PCLO: variants seen among roughly 807,000 people sequenced by gnomAD.
The protein encoded by PCLO is protein piccolo.
PCLO carries 82 observed loss-of-function variants against 427.5 expected under a neutral mutation model. That is an observed-to-expected ratio of 0.19 (90% CI 0.16 to 0.23). The LOEUF is 0.23. Among genes scored for constraint, PCLO ranks in the 10% least tolerant of loss-of-function variants. The pLI, the probability that PCLO is intolerant of heterozygous loss-of-function variation, is 1.00. For synonymous variants in PCLO, 2,357 were observed against 2,155.4 expected (o/e 1.09, Z -2.59); for missense variants, 6,239 against 6,115.9 (o/e 1.02, Z -0.67).
At chr7:82,802,673 C>G (rs572814415) in intron 21 of PCLO, among the ~76,000 whole-genome samples, 1 of 152,218 alleles carries the variant, frequency 6.6e-6, no homozygotes, top group East Asian at 1.9e-4. Context: ...ACTTTGTAGA[C>G]AACACTTCTA....
intron 3 of PCLO, among the ~76,000 whole-genome samples, chr7:83,128,440 C>T (rs1791493783): frequency 1.3e-5 from 2 of 152,192 alleles, no homozygotes; most frequent in African/African-American, 4.8e-5. Context: ...GTTAGCACAG[C>T]GTTCATCAGC....
At position 83,135,640 on chromosome 7, in the gene PCLO, C is replaced by G. The variant is rs1370482320; in HGVS notation, c.1910G>C (p.Cys637Ser). 1 of 1,596,896 alleles carries G rather than the reference C, an allele frequency of 6.3e-7. No homozygotes were observed. Among genetic ancestry groups the G allele is most frequent in the African/African-American group, 1.3e-5 (1 of 74,352 alleles). Reference sequence around the variant, plus strand: ...AGCTCTTTTCATTTGACAGTTCAAACAGAGCCACTCTTTTACCTACAAATA... The same window carrying G: ...AGCTCTTTTCATTTGACAGTTCAAAGAGAGCCACTCTTTTACCTACAAATA... ...PHLTEVKEWL[C>S]LNCQMKRALG... The change falls in exon 3 of 25, where the codon TGT becomes TCT. Residue 637 changes from cysteine to serine, a missense_variant. By Grantham distance (112) the Cys-to-Ser change is moderately radical. This residue lies in a region of PCLO where 4,677 missense variants were observed against 4,468.4 expected (regional missense o/e 1.05). Transcript: ENST00000333891.
chr7:83,162,530 C>T lies in PCLO; in HGVS notation c.63G>A (p.Ala21=). 1 of 1,554,778 alleles carries T rather than the reference C, an allele frequency of 6.4e-7. No homozygotes were observed. The highest frequency in any genetic ancestry group is 1.9e-5 in the Admixed American group (1 of 51,898). ...GLPEGLAAAA[A]AGGGASGAGS... ...CCGCCCCGCTAGCTCCTCCTCCAGC[C>T]GCTGCGGCCGCCGCCAGCCCTTCGG... The change falls in exon 1 of 25, where the codon GCG becomes GCA. Residue 21 remains alanine (A), a synonymous_variant. Coordinates refer to ENST00000333891, the MANE Select transcript of PCLO (RefSeq NM_033026.6).
At chr7:82,788,968 C>T (rs370760711) in intron 22 of PCLO, among the ~76,000 whole-genome samples, 1 of 151,546 alleles carries the variant, frequency 6.6e-6, no homozygotes, top group Non-Finnish European at 1.5e-5. Context: ...TCATTCTGTT[C>T]TTTTAATCTG....
At chr7:83,113,439 T>C (rs1226739465) in intron 3 of PCLO, among the ~76,000 whole-genome samples, 7 of 152,186 alleles carry the variant, frequency 4.6e-5, no homozygotes, top group Admixed American at 3.9e-4. Context: ...AGAATTTATT[T>C]GGAGAAAATT....
intron 7 of PCLO, among the ~76,000 whole-genome samples, chr7:82,912,195 AT>A (rs1752168882): frequency 6.6e-6 from 1 of 152,046 alleles, no homozygotes; most frequent in Non-Finnish European, 1.5e-5. Flanking sequence ...GTATATTCAA[AT>A]ATAGATATAG....
At chr7:82,793,152 C>T (rs207468142) in intron 22 of PCLO, among the ~76,000 whole-genome samples, 5 of 152,154 alleles carry the variant, frequency 3.3e-5, no homozygotes, top group African/African-American at 1.2e-4. Flanking sequence ...TGCATGAGCA[C>T]CCCATTCACT....
At chr7:82,963,966 T>G (rs1435558651) in intron 4 of PCLO, among the ~76,000 whole-genome samples, 2 of 152,108 alleles carry the variant, frequency 1.3e-5, no homozygotes, top group Non-Finnish European at 2.9e-5. Flanking sequence ...AGGAAAATAT[T>G]TGAAAACTTC....
At chr7:83,084,774 T>C (rs542408579) in intron 3 of PCLO, among the ~76,000 whole-genome samples, 1 of 152,176 alleles carries the variant, frequency 6.6e-6, no homozygotes, top group Non-Finnish European at 1.5e-5. Context: ...TGATCAATTT[T>C]GCACGTATTC....
Position 82,949,670 on chromosome 7 carries a change from A to C in PCLO, c.10918T>G (p.Phe3640Val). The C allele has an allele frequency of 6.2e-7, 1 of 1,613,864 alleles. No homozygotes were observed. Among genetic ancestry groups the C allele is most frequent in the South Asian group, 1.1e-5 (1 of 91,084 alleles). ...GGGAGGGGTTTTTCATAAGGTACAA[A>C]GGCTGATTCTAAGGCTTTGCCTGGT... ...LSPGKALESA[F>V]VPYEKPLPDD... Residue 3640 changes from phenylalanine (F) to valine (V), a missense_variant, in exon 6 of 25, where the codon TTT (phenylalanine) becomes GTT (valine). Coordinates refer to ENST00000333891, the MANE Select transcript of PCLO (RefSeq NM_033026.6).
intron 3 of PCLO, among the ~76,000 whole-genome samples, chr7:83,047,503 T>G (rs552038631): frequency 6.6e-5 from 10 of 152,168 alleles, no homozygotes; most frequent in African/African-American, 2.4e-4. Context: ...CAATGTGATT[T>G]GCATATTGAG....
At chr7:83,066,227 A>T (rs1361523337) in intron 3 of PCLO, among the ~76,000 whole-genome samples, 4 of 152,122 alleles carry the variant, frequency 2.6e-5, no homozygotes, top group Non-Finnish European at 5.9e-5. Context: ...TTTAAAAATC[A>T]CTGCTCAAAA....
chr7:82,994,563 T>C (rs1796450856), intron 3 of PCLO, among the ~76,000 whole-genome samples: 1 of 151,734 alleles, frequency 6.6e-6, no homozygotes, highest in Non-Finnish European at 1.5e-5. Context: ...AATGACTTGA[T>C]CAGATAATTA....
intron 10 of PCLO, among the ~76,000 whole-genome samples, chr7:82,867,605 T>C (rs1325477657): frequency 6.6e-6 from 1 of 152,118 alleles, no homozygotes; most frequent in African/African-American, 2.4e-5. Flanking sequence ...TTCCAAGAAA[T>C]ATTGGTTAGA....
In PCLO at chr7:82,956,657, T is replaced by C. The variant is rs751713066; in HGVS notation, c.4296A>G (p.Ser1432=). ...AQASTLADEK[S]EKKTQPHEVS... ...CTTCATGGGGTTGTGTTTTCTTTTC[T>C]GACTTTTCATCAGCAAGTGTACTTG... Residue 1432 remains serine (S), a synonymous_variant, in exon 5 of 25, where the codon TCA becomes TCG. Transcript: ENST00000333891. The C allele has an allele frequency of 4.3e-6, 7 of 1,613,976 alleles. No homozygotes were observed. In the East Asian group the frequency reaches 1.6e-4, roughly 36 times the overall value.
rs554080778 is a variant in PCLO at position 82,955,334 on chromosome 7, G to C, written c.5619C>G (p.Ser1873Arg). 2 of 1,613,248 alleles carry C rather than the reference G, an allele frequency of 1.2e-6. No individual in the cohort carries two copies. Among genetic ancestry groups the C allele is most frequent in the African/African-American group, 2.7e-5 (2 of 74,808 alleles). Residue 1873 changes from serine (S) to arginine (R), a missense_variant, in exon 5 of 25, where the codon AGC (serine) becomes AGG (arginine). Coordinates refer to ENST00000333891, the MANE Select transcript of PCLO (RefSeq NM_033026.6). ...IESDPEGFEI[S>R]PEKIIEVQKV... Reference sequence around the variant, plus strand: ...TTTGTACTTCTATTATTTTTTCCGGGCTTATTTCAAAACCTTCTGGGTCTG... The same window carrying C: ...TTTGTACTTCTATTATTTTTTCCGGCCTTATTTCAAAACCTTCTGGGTCTG...
At chr7:83,132,557 T>C (rs746088475) in intron 3 of PCLO, among the ~76,000 whole-genome samples, 3 of 152,110 alleles carry the variant, frequency 2.0e-5, no homozygotes, top group African/African-American at 7.2e-5. Context: ...GGAACTCTCA[T>C]TAGACTTCCA....
chr7:83,140,835 T>A (rs1353808236), intron 2 of PCLO, among the ~76,000 whole-genome samples: 3 of 152,226 alleles, frequency 2.0e-5, no homozygotes, highest in Admixed American at 6.5e-5. Flanking sequence ...CTTCCAAAAT[T>A]AAACCTTTAT....
At chr7:83,053,697 C>A (rs1244898039) in intron 3 of PCLO, among the ~76,000 whole-genome samples, 1 of 151,932 alleles carries the variant, frequency 6.6e-6, no homozygotes, top group African/African-American at 2.4e-5. Context: ...GAAATTAATT[C>A]TAAATCCATC....
Sources: allele counts gnomAD v4.1 joint callset (sites outside exome capture counted in the v4.1 genomes callset), GRCh38; gene constraint gnomAD v4.1.1; regional missense constraint gnomAD v4.1.1; transcripts MANE v1.5; gene names NCBI Gene and HGNC (gene_info 2026-07-23, HGNC 2026-07-21).